Variants in PTPRQ observed in about 807,000 individuals in gnomAD.
The protein encoded by PTPRQ is phosphatidylinositol phosphatase PTPRQ.
In PTPRQ, 199 loss-of-function variants were observed where a neutral mutation model predicts 246.0. The observed-to-expected ratio is 0.81, with a 90% CI of 0.72 to 0.91. The LOEUF (loss-of-function observed/expected upper bound fraction) is 0.91, where lower values mean the gene tolerates loss of function less well. PTPRQ is among the 40% of genes least tolerant of loss of function. The pLI is 0.00. For missense variants in PTPRQ, 2,624 were observed against 2,528.4 expected (o/e 1.04, Z -0.81); for synonymous variants, 869 against 853.2 (o/e 1.02, Z -0.32).
At chr12:80,525,094 A>G (rs1895641498) in intron 17 of PTPRQ, among the ~76,000 whole-genome samples, 1 of 152,152 alleles carries the variant, frequency 6.6e-6, no homozygotes. Flanking sequence ...TTATGACAGA[A>G]TGATAATTAC....
rs117267667 is a variant in PTPRQ at position 80,518,909 on chromosome 12, G to T, written c.2678+8466G>T. On this transcript the variant is annotated intron_variant, in intron 17 of 44. Transcript: ENST00000644991. ...GTAGTATAATTTGAAGTCAGATAAT[G>T]CGATTCCTCCAGTTTTTTCTTTTTG... 9.0e-3 allele frequency among the ~76,000 whole-genome samples: 1,373 copies of T among 152,170 alleles called. 8 individuals are homozygous for T. The highest frequency in any genetic ancestry group is 0.02 in the Middle Eastern group (6 of 294).
At chr12:80,481,552 G>A (rs1022388499) in intron 8 of PTPRQ, among the ~76,000 whole-genome samples, 1 of 152,044 alleles carries the variant, frequency 6.6e-6, no homozygotes, top group Non-Finnish European at 1.5e-5. Context: ...AGGAAATAAA[G>A]GGCATTCAAT....
chr12:80,448,379 T>C (rs1330408852), intron 3 of PTPRQ, among the ~76,000 whole-genome samples: 1 of 152,176 alleles, frequency 6.6e-6, no homozygotes. Context: ...GGATGCCTTT[T>C]TAAAATTATT....
intron 6 of PTPRQ, among the ~76,000 whole-genome samples, chr12:80,461,442 ATAT>A (rs1482933721): frequency 6.6e-6 from 1 of 152,090 alleles, no homozygotes; most frequent in Non-Finnish European, 1.5e-5. Context: ...GAATAATTAG[ATAT>A]TATCATTACT....
chr12:80,649,590 C>T lies in PTPRQ; in HGVS notation c.5945C>T (p.Pro1982Leu), dbSNP rs757125014. 1 of 1,549,112 alleles carries T rather than the reference C, an allele frequency of 6.5e-7. No homozygotes were observed. Among genetic ancestry groups the T allele is most frequent in the South Asian group, 1.2e-5 (1 of 83,716 alleles). ...TTTATACCTTTCTTTACTTGGAGGCCAATAAGCAAGAAATCCTTCCTGCAA... is the reference window on the plus strand; with the variant it reads ...TTTATACCTTTCTTTACTTGGAGGCTAATAAGCAAGAAATCCTTCCTGCAA... ...RLLSYRKSIK[P>L]ISKKSFLQHV... The change falls in exon 37 of 45, where the codon CCA (proline) becomes CTA (leucine). Residue 1982 changes from proline to leucine, a missense_variant and splice_region_variant. Transcript: ENST00000644991.
chr12:80,444,486 G>A (rs1892491909), intron 1 of PTPRQ, 87 bp downstream of exon 1: 13 of 811,956 alleles, frequency 1.6e-5, no homozygotes, highest in South Asian at 1.6e-4. Context: ...TTGTGACAGT[G>A]AACTAGGATA....
chr12:80,635,255 C>T (rs1223138793), intron 35 of PTPRQ, among the ~76,000 whole-genome samples, 182 bp downstream of exon 35: 1 of 152,194 alleles, frequency 6.6e-6, no homozygotes, highest in African/African-American at 2.4e-5. Context: ...ATCACTTAAT[C>T]TTCCTAATAT....
rs1050213294 is a variant in PTPRQ at position 80,472,261 on chromosome 12, T to G, written c.1186+10T>G. The G allele has an allele frequency of 1.0e-5, 16 of 1,550,968 alleles. No homozygotes were observed. Among genetic ancestry groups the G allele is most frequent in the Admixed American group, 3.9e-5 (2 of 50,890 alleles). On this transcript the variant is annotated intron_variant, in intron 8 of 44. Coordinates refer to ENST00000644991, the MANE Select transcript of PTPRQ (RefSeq NM_001145026.2). ...TTCACTCCACCAGATGGTAAGAACA[T>G]AGGGAATGAGTGAGATATTTTTGGT...
intron 5 of PTPRQ, among the ~76,000 whole-genome samples, chr12:80,460,434 C>T (rs1420784292): frequency 1.3e-5 from 2 of 152,000 alleles, no homozygotes; most frequent in Admixed American, 6.6e-5. Flanking sequence ...AAATTCTATT[C>T]GTAAAGGTTA....
intron 17 of PTPRQ, among the ~76,000 whole-genome samples, chr12:80,515,232 C>T (rs1420346147): frequency 2.0e-5 from 3 of 151,940 alleles, no homozygotes; most frequent in Non-Finnish European, 4.4e-5. Flanking sequence ...GTCAGTGAGA[C>T]ATGGGTTTGA....
rs1366418261 is a variant in PTPRQ at position 80,549,580 on chromosome 12, T to A, written c.4131T>A (p.Val1377=). The A allele has an allele frequency of 1.3e-6, 2 of 1,551,246 alleles. No homozygotes were observed. The highest frequency in any genetic ancestry group is 1.7e-6 in the Non-Finnish European group (2 of 1,146,634). ...TAATAACGCAGTATATGGTAACAGT[T>A]GAAAGGAATTCTACAAAAGTTTCTC... ...NGIITQYMVT[V]ERNSTKVSPQ... Residue 1377 remains valine (V), a synonymous_variant, in exon 25 of 45, where the codon GTT becomes GTA. Transcript: ENST00000644991.
At chr12:80,483,492 A>G (rs560513625) in intron 8 of PTPRQ, among the ~76,000 whole-genome samples, 2 of 151,776 alleles carry the variant, frequency 1.3e-5, no homozygotes, top group African/African-American at 4.8e-5. Flanking sequence ...TAACCTGCAC[A>G]ATGTGCACAT....
intron 27 of PTPRQ, among the ~76,000 whole-genome samples, chr12:80,609,940 T>C (rs77406857): frequency 0.011 from 1,617 of 150,686 alleles, 23 homozygotes; most frequent in African/African-American, 0.037. Flanking sequence ...GAAATCTATG[T>C]GCCAACTACT....
At chr12:80,558,095 C>A (rs540189077) in intron 25 of PTPRQ, among the ~76,000 whole-genome samples, 1 of 134,928 alleles carries the variant, frequency 7.4e-6, no homozygotes, top group South Asian at 2.5e-4. Flanking sequence ...TCCCTCCCTC[C>A]CTCCTTTCTT....
At position 80,506,122 on chromosome 12, in the gene PTPRQ, C is replaced by A. The variant is rs11114486; in HGVS notation, c.2371C>A (p.Gln791Lys). 0.63 allele frequency: 970,756 copies of A among 1,536,792 alleles called. 318,855 individuals carry two copies. The highest frequency in any genetic ancestry group is 0.68 in the South Asian group (53,765 of 79,564). The change falls in exon 15 of 45, where the codon CAA becomes AAA. Residue 791 changes from glutamine to lysine, a missense_variant. Gln to Lys is a moderately conservative substitution (Grantham distance 53). Transcript: ENST00000644991. ...CCCAAGTAGTCCCAATGGAATCATA[C>A]AAAAATATACAATTTATCTCAAGAG... ...LPPSSPNGII[Q>K]KYTIYLKRSN... is the part of the protein sequence containing the mutation.
chr12:80,510,267 A>AAC, intron 16 of PTPRQ, 56 bp from the exon 17 acceptor site: 2 of 1,361,758 alleles, frequency 1.5e-6, no homozygotes, highest in Non-Finnish European at 1.9e-6. Context: ...TTTCCATGTT[A>AAC]ACTTTTTCTT....
intron 8 of PTPRQ, among the ~76,000 whole-genome samples, chr12:80,474,310 C>T (rs2120556012): frequency 6.6e-6 from 1 of 152,286 alleles, no homozygotes; most frequent in Non-Finnish European, 1.5e-5. Flanking sequence ...TTAAACCAGT[C>T]TATCATCTAT....
chr12:80,636,252 T>G (rs11114540), intron 35 of PTPRQ, among the ~76,000 whole-genome samples: 1 of 152,234 alleles, frequency 6.6e-6, no homozygotes, highest in East Asian at 1.9e-4. Context: ...AAGTGTCAGA[T>G]GATTGTAAGT....
intron 25 of PTPRQ, among the ~76,000 whole-genome samples, chr12:80,557,219 A>G (rs779294418): frequency 4.6e-5 from 7 of 151,994 alleles, no homozygotes; most frequent in Non-Finnish European, 8.8e-5. Flanking sequence ...CACTTCCCTT[A>G]TCTTGAAATT....
Sources: allele counts gnomAD v4.1 joint callset (sites outside exome capture counted in the v4.1 genomes callset), GRCh38; gene constraint gnomAD v4.1.1; transcripts MANE v1.5; gene names NCBI Gene and HGNC (gene_info 2026-07-23, HGNC 2026-07-21).